HMGCLL1: variants seen among roughly 807,000 people sequenced by gnomAD.
The protein encoded by HMGCLL1 is 3-hydroxy-3-methylglutaryl-CoA lyase like 1.
A neutral mutation model predicts 39.1 loss-of-function variants in HMGCLL1; 36 were observed. The ratio of observed to expected loss-of-function variants is 0.92; its 90% confidence interval spans 0.71 to 1.22. HMGCLL1 has a LOEUF of 1.22. HMGCLL1 is among the 50% of genes most tolerant of loss of function. The pLI is 0.00. For synonymous variants in HMGCLL1, 149 were observed against 144.0 expected (o/e 1.03, Z -0.25); for missense variants, 451 against 416.5 (o/e 1.08, Z -0.72).
the HMGCLL1 span, among the ~76,000 whole-genome samples, chr6:55,637,370 T>C: frequency 6.6e-6 from 1 of 152,136 alleles, no homozygotes; most frequent in African/African-American, 2.4e-5. Flanking sequence ...TTACTTTTTA[T>C]AATAATTAAA....
upstream of HMGCLL1, among the ~76,000 whole-genome samples, chr6:55,583,750 C>T (rs1160225927): frequency 1.3e-5 from 2 of 151,986 alleles, no homozygotes; most frequent in Non-Finnish European, 2.9e-5. Flanking sequence ...TTGAAATATT[C>T]CTAAAGGATG....
chr6:55,469,526 T>G (rs1468455625), intron 7 of HMGCLL1, among the ~76,000 whole-genome samples: 1 of 150,320 alleles, frequency 6.7e-6, no homozygotes, highest in Non-Finnish European at 1.5e-5. Context: ...CTTGATTATA[T>G]GTAATAAAAT....
At chr6:55,533,900 A>G (rs1208870654) in intron 3 of HMGCLL1, among the ~76,000 whole-genome samples, 8 of 148,474 alleles carry the variant, frequency 5.4e-5, no homozygotes, top group Non-Finnish European at 1.0e-4. Context: ...AAAAAAAAAA[A>G]GAAGTTACAA....
the HMGCLL1 span, among the ~76,000 whole-genome samples, chr6:55,656,101 G>T: frequency 6.6e-6 from 1 of 151,886 alleles, no homozygotes; most frequent in South Asian, 2.1e-4. Context: ...ACTTCCTATC[G>T]GGAATTTTTT....
chr6:55,598,665 A>AT, the HMGCLL1 span, among the ~76,000 whole-genome samples: 2 of 152,136 alleles, frequency 1.3e-5, no homozygotes, highest in African/African-American at 4.8e-5. Flanking sequence ...GAAGTTAATT[A>AT]TTTTTTGCAT....
intron 1 of HMGCLL1, among the ~76,000 whole-genome samples, chr6:55,554,504 A>T (rs1356556914): frequency 7.2e-5 from 11 of 152,150 alleles, no homozygotes; most frequent in Admixed American, 7.2e-4. Flanking sequence ...TCATTTAGCC[A>T]TCATTCTTGG....
At chr6:55,527,552 A>G (rs1056686602) in intron 3 of HMGCLL1, among the ~76,000 whole-genome samples, 1 of 152,096 alleles carries the variant, frequency 6.6e-6, no homozygotes, top group Non-Finnish European at 1.5e-5. Context: ...AGCGACTGCA[A>G]TTTAGGAGGG....
chr6:55,510,914 T>G (rs965587852), intron 5 of HMGCLL1, among the ~76,000 whole-genome samples: 42 of 151,620 alleles, frequency 2.8e-4, no homozygotes, highest in African/African-American at 9.4e-4. Context: ...CTTTTTAAAT[T>G]AATACTCTCA....
chr6:55,612,776 C>T, the HMGCLL1 span, among the ~76,000 whole-genome samples: 1 of 152,132 alleles, frequency 6.6e-6, no homozygotes, highest in African/African-American at 2.4e-5. Context: ...GGACCCCTTC[C>T]TTACACCTTA....
intron 7 of HMGCLL1, among the ~76,000 whole-genome samples, chr6:55,461,457 G>A (rs902648861): frequency 3.3e-5 from 5 of 151,992 alleles, no homozygotes; most frequent in South Asian, 2.1e-4. Flanking sequence ...CTGGATGGGG[G>A]AGGCTGCTAT....
chr6:55,483,889 T>C (rs889994989), intron 7 of HMGCLL1, among the ~76,000 whole-genome samples: 1 of 152,220 alleles, frequency 6.6e-6, no homozygotes, highest in Admixed American at 6.5e-5. Context: ...GCTATTGTTA[T>C]CACAGAATAG....
At chr6:55,528,487 C>A (rs1396834948) in intron 3 of HMGCLL1, among the ~76,000 whole-genome samples, 2 of 151,958 alleles carry the variant, frequency 1.3e-5, no homozygotes, top group Non-Finnish European at 2.9e-5. Flanking sequence ...TACAGTAACC[C>A]TGTCTCATTC....
the HMGCLL1 span, among the ~76,000 whole-genome samples, chr6:55,626,191 G>A: frequency 6.6e-6 from 1 of 152,156 alleles, no homozygotes; most frequent in Non-Finnish European, 1.5e-5. Context: ...GGAAAGGGCA[G>A]TGGTTTGTCC....
At chr6:55,577,999 T>A (rs1244318610) in intron 1 of HMGCLL1, among the ~76,000 whole-genome samples, 1 of 152,198 alleles carries the variant, frequency 6.6e-6, no homozygotes, top group Non-Finnish European at 1.5e-5. Flanking sequence ...TACACTAAAC[T>A]GAGAATACAC....
the HMGCLL1 span, among the ~76,000 whole-genome samples, chr6:55,606,067 T>C: frequency 0.15 from 22,966 of 152,150 alleles, 2,052 homozygotes; most frequent in Non-Finnish European, 0.2. Flanking sequence ...AGTACAAAGA[T>C]CATTCTCCTG....
At chr6:55,480,414 A>G (rs973537339) in intron 7 of HMGCLL1, among the ~76,000 whole-genome samples, 1 of 151,778 alleles carries the variant, frequency 6.6e-6, no homozygotes, top group African/African-American at 2.4e-5. Flanking sequence ...AATTAAAACT[A>G]TAATGAGATA....
At chr6:55,594,590 C>T in the HMGCLL1 span, among the ~76,000 whole-genome samples, 2 of 152,138 alleles carry the variant, frequency 1.3e-5, no homozygotes, top group African/African-American at 4.8e-5. Context: ...TGATCATTTC[C>T]AGATGCAACA....
the HMGCLL1 span, among the ~76,000 whole-genome samples, chr6:55,647,773 T>A: frequency 3.7e-5 from 5 of 135,590 alleles, no homozygotes; most frequent in South Asian, 9.0e-4. Flanking sequence ...TATTTTATTT[T>A]TTTTTTTTAT....
At chr6:55,451,523 C>T (rs1764081136) in intron 7 of HMGCLL1, among the ~76,000 whole-genome samples, 1 of 151,928 alleles carries the variant, frequency 6.6e-6, no homozygotes, top group Non-Finnish European at 1.5e-5. Flanking sequence ...GCACTCCTGC[C>T]TGGGCAACAG....
Sources: allele counts gnomAD v4.1 joint callset (sites outside exome capture counted in the v4.1 genomes callset), GRCh38; gene constraint gnomAD v4.1.1; transcripts MANE v1.5; gene names NCBI Gene and HGNC (gene_info 2026-07-23, HGNC 2026-07-21).